Variants in GTF2IRD1 observed in about 807,000 individuals in gnomAD.
GTF2IRD1 encodes general transcription factor II-I repeat domain-containing protein 1.
In GTF2IRD1, 26 loss-of-function variants were observed where a neutral mutation model predicts 113.2. That is an observed-to-expected ratio of 0.23 (90% confidence interval 0.17 to 0.32). The LOEUF (loss-of-function observed/expected upper bound fraction) is 0.32. Among genes scored for constraint, GTF2IRD1 ranks in the 10% least tolerant of loss-of-function variants. GTF2IRD1 has a pLI of 1.00. For missense variants in GTF2IRD1, 864 were observed against 1,280.8 expected (o/e 0.67, Z 4.97); for synonymous variants, 484 against 529.1 (o/e 0.91, Z 1.17).
intron 17 of GTF2IRD1, among the ~76,000 whole-genome samples, chr7:74,553,229 A>T (rs1462293249): frequency 1.3e-5 from 2 of 151,782 alleles, no homozygotes; most frequent in East Asian, 1.9e-4. Flanking sequence ...TTCCAGGTTT[A>T]AACGATTCTC....
chr7:74,602,157 G>C (rs587697154), intron 26 of GTF2IRD1: 60 of 419,194 alleles, frequency 1.4e-4, no homozygotes, highest in Non-Finnish European at 2.2e-4. Context: ...CAGGAGACTC[G>C]CTTGAACCCG....
intron 17 of GTF2IRD1, among the ~76,000 whole-genome samples, chr7:74,548,414 T>C (rs1278272225): frequency 6.6e-6 from 1 of 151,130 alleles, no homozygotes; most frequent in Non-Finnish European, 1.5e-5. Context: ...AGAGCGAGAC[T>C]TCGTCTCAAA....
At chr7:74,491,311 CTTTTTTTTTT>C (rs1178298791) in intron 1 of GTF2IRD1, among the ~76,000 whole-genome samples, 3 of 95,706 alleles carry the variant, frequency 3.1e-5, no homozygotes, top group African/African-American at 4.0e-5. Flanking sequence ...AAAAAAAATT[CTTTTTTTTTT>C]TTTTTTTTTT....
chr7:74,541,389 G>A (rs1798628788), intron 14 of GTF2IRD1, among the ~76,000 whole-genome samples: 2 of 152,038 alleles, frequency 1.3e-5, no homozygotes, highest in Admixed American at 6.5e-5. Context: ...ACTTTGGGAG[G>A]CCAAGGCAGG....
At chr7:74,598,147 C>G (rs1200294092) in intron 25 of GTF2IRD1, among the ~76,000 whole-genome samples, 1 of 151,992 alleles carries the variant, frequency 6.6e-6, no homozygotes, top group Non-Finnish European at 1.5e-5. Flanking sequence ...TGCTTGAGGC[C>G]GGAAGGTGGA....
At chr7:74,523,943 G>T in intron 7 of GTF2IRD1, 128 bp from the exon 8 acceptor site, 1 of 681,808 alleles carries the variant, frequency 1.5e-6, no homozygotes, top group Non-Finnish European at 2.7e-6. Flanking sequence ...GTGGGAGAGG[G>T]TGGAAGGACT....
chr7:74,536,307 C>T lies in GTF2IRD1; in HGVS notation c.1409+32C>T, dbSNP rs373479566. On this transcript the variant is annotated intron_variant, in intron 11 of 26. Coordinates refer to ENST00000424337, the MANE Select transcript of GTF2IRD1 (RefSeq NM_005685.4). ...CCCCGCCCCTGGCCCCGGAGGCCCG[C>T]GGCCAGCCCTGCTCTGGGCTGAGGC... 60 of 1,336,718 alleles carry T rather than the reference C, an allele frequency of 4.5e-5. No individual in the cohort carries two copies. The African/African-American group carries it at 7.5e-4, about 17-fold the overall frequency. The allele number at this position is 1,336,718 out of a possible 1,614,324, so 82.8% of individuals were successfully genotyped here.
intron 17 of GTF2IRD1, among the ~76,000 whole-genome samples, chr7:74,549,850 C>T (rs1799195076): frequency 6.6e-6 from 1 of 152,056 alleles, no homozygotes; most frequent in Non-Finnish European, 1.5e-5. Flanking sequence ...AGTCTGACCA[C>T]TATGGAGAAA....
In GTF2IRD1 at chr7:74,502,905, G is replaced by A. The variant is rs145698578; in HGVS notation, c.-6-5170G>A. Among the ~76,000 whole-genome samples the A allele has an allele frequency of 6.8e-4, 103 of 152,308 alleles. 1 individual carries two copies. The East Asian group carries it at 0.014, about 20-fold the overall frequency. On this transcript the variant is annotated intron_variant, in intron 1 of 26. Transcript: ENST00000424337. ...TCCAGGGCTGGGCGCGGTGGCTCACGCCTGTAATCCCAGCAGTCTGGGAGG... is the reference window on the plus strand; with the variant it reads ...TCCAGGGCTGGGCGCGGTGGCTCACACCTGTAATCCCAGCAGTCTGGGAGG...
intron 22 of GTF2IRD1, among the ~76,000 whole-genome samples, chr7:74,561,385 G>C (rs1359663386): frequency 6.7e-6 from 1 of 149,534 alleles, no homozygotes; most frequent in Non-Finnish European, 1.5e-5. Flanking sequence ...GTACAGTGAT[G>C]TGGCGGCTGC....
At chr7:74,578,323 C>G (rs1431714628) in intron 22 of GTF2IRD1, among the ~76,000 whole-genome samples, 3 of 151,842 alleles carry the variant, frequency 2.0e-5, no homozygotes, top group African/African-American at 7.3e-5. Context: ...GTAGCTGGGA[C>G]TATAGGTGCC....
intron 1 of GTF2IRD1, among the ~76,000 whole-genome samples, chr7:74,466,439 T>C (rs1584456744): frequency 1.3e-5 from 2 of 152,014 alleles, no homozygotes; most frequent in African/African-American, 4.8e-5. Flanking sequence ...CCGTGGCTCC[T>C]GGAAAAGCTA....
intron 3 of GTF2IRD1, among the ~76,000 whole-genome samples, chr7:74,513,814 C>T (rs1796770259): frequency 6.6e-6 from 1 of 152,020 alleles, no homozygotes; most frequent in Non-Finnish European, 1.5e-5. Context: ...GAGTTGGAGA[C>T]CAGGCTGGGC....
intron 1 of GTF2IRD1, among the ~76,000 whole-genome samples, chr7:74,481,371 G>A (rs1338746702): frequency 1.3e-5 from 2 of 152,050 alleles, no homozygotes; most frequent in African/African-American, 4.8e-5. Context: ...TGCCCAGGCT[G>A]GTCTCAAACT....
At chr7:74,565,150 G>A (rs145077071) in intron 22 of GTF2IRD1, among the ~76,000 whole-genome samples, 6 of 152,286 alleles carry the variant, frequency 3.9e-5, no homozygotes, top group African/African-American at 1.4e-4. Context: ...CTCGACCCTG[G>A]GGGCTGAACG....
intron 22 of GTF2IRD1, among the ~76,000 whole-genome samples, chr7:74,575,797 G>A (rs139516862): frequency 9.4e-4 from 143 of 152,244 alleles, no homozygotes; most frequent in African/African-American, 2.9e-3. Context: ...TCATCCAGTC[G>A]AAGTTGGAAG....
At chr7:74,460,408 T>TA (rs1343515223) in intron 1 of GTF2IRD1, among the ~76,000 whole-genome samples, 5 of 125,500 alleles carry the variant, frequency 4.0e-5, no homozygotes, top group East Asian at 2.9e-4. Flanking sequence ...CCTAGCTAAT[T>TA]AAAAAAAAAT....
At chr7:74,515,056 C>CA (rs782246030) in intron 3 of GTF2IRD1, among the ~76,000 whole-genome samples, 9,103 of 66,004 alleles carry the variant, frequency 0.14, 1,300 homozygotes, top group East Asian at 0.53. Context: ...GACTCTGTCT[C>CA]AAAAAAAAAA....
At chr7:74,460,804 A>C (rs781924238) in intron 1 of GTF2IRD1, among the ~76,000 whole-genome samples, 5 of 152,162 alleles carry the variant, frequency 3.3e-5, no homozygotes, top group African/African-American at 1.2e-4. Context: ...AGTGCTGGGA[A>C]AGTGTCTGCA....
Sources: gnomAD v4.1 joint callset for allele counts (sites outside exome capture counted in the v4.1 genomes callset) on GRCh38, gnomAD v4.1.1 for gene constraint, MANE v1.5 for transcripts, NCBI Gene and HGNC (gene_info 2026-07-23, HGNC 2026-07-21) for gene names.